NTN4: variants seen among roughly 807,000 people sequenced by gnomAD.
The protein encoded by NTN4 is netrin 4.
In NTN4, 32 loss-of-function variants were observed where a neutral mutation model predicts 73.6. The ratio of observed to expected loss-of-function variants is 0.44; its 90% confidence interval spans 0.33 to 0.58. The LOEUF (loss-of-function observed/expected upper bound fraction) is 0.58. Ranked by LOEUF, NTN4 falls within the 20% of genes least tolerant of loss-of-function variation. NTN4 has a pLI of 0.04. For missense variants in NTN4, 654 were observed against 798.3 expected (o/e 0.82, Z 2.18); for synonymous variants, 258 against 287.5 (o/e 0.90, Z 1.04).
intron 2 of NTN4, among the ~76,000 whole-genome samples, chr12:95,771,142 A>G (rs2079056394): frequency 6.6e-6 from 1 of 151,784 alleles, no homozygotes; most frequent in South Asian, 2.1e-4. Flanking sequence ...GGCGCCTGCT[A>G]CCACGCCCGG....
In NTN4 at chr12:95,771,884, A is replaced by G. The variant is rs996369828; in HGVS notation, c.585+15055T>C. On this transcript the variant is annotated intron_variant, in intron 2 of 9. Transcript: ENST00000343702. ...GCCTTCTCCCTGCTTGTTTTAGGTCATGTTTTGAAAATGTGAAATTGCCAT... is the reference window on the plus strand; with the variant it reads ...GCCTTCTCCCTGCTTGTTTTAGGTCGTGTTTTGAAAATGTGAAATTGCCAT... Among the ~76,000 whole-genome samples, 7 of 151,898 alleles carry G rather than the reference A, an allele frequency of 4.6e-5. 1 individual carries two copies. In the South Asian group the frequency reaches 8.3e-4, roughly 18 times the overall value.
rs773242503 is a variant in NTN4, at chr12:95,683,693, A to G, written c.1199T>C (p.Val400Ala). ...GTTGGCAGGAAGGACAGCTGATCCT[A>G]CTGGATGGCAGGAACACGCTACAAC... ...DACKPCSCHP[V>A]GSAVLPANSV... Residue 400 changes from valine (V) to alanine (A), a missense_variant, in exon 6 of 10, where the codon GTA becomes GCA. Physicochemically the swap from Val to Ala is moderately conservative, Grantham distance 64 (BLOSUM62 0). Transcript: ENST00000343702. The G allele has an allele frequency of 6.8e-6, 11 of 1,609,326 alleles. No homozygotes were observed. In the South Asian group the frequency reaches 1.2e-4, roughly 18 times the overall value.
chr12:95,757,476 C>A (rs184336580), intron 2 of NTN4, among the ~76,000 whole-genome samples: 5 of 152,050 alleles, frequency 3.3e-5, no homozygotes, highest in Admixed American at 6.6e-5. Context: ...AATGAACAGA[C>A]CTTCCCTTCA....
Position 95,790,369 on chromosome 12 carries a change from G to A in NTN4, c.-60C>T. On this transcript the variant is annotated 5_prime_UTR_variant, in exon 1 of 10. Transcript: ENST00000343702. This position sits in a 1 kb window ranked among gnomAD's most constrained non-coding sequence, Gnocchi z 6.5. ...GGTGCCGGAGGGAGCCGAGACCTCT[G>A]GGCTGCGGGATGAAGCGCCGCCGTC... 2 of 1,394,198 alleles carry A rather than the reference G, an allele frequency of 1.4e-6. No homozygotes were observed. Among genetic ancestry groups the A allele is most frequent in the South Asian group, 1.4e-5 (1 of 72,444 alleles). 86.4% of individuals were successfully genotyped at this position (1,394,198 alleles called of 1,614,324 possible). A position where few individuals can be genotyped will look rare whatever the true frequency, so the allele number is the denominator to read the frequency against.
intron 2 of NTN4, among the ~76,000 whole-genome samples, chr12:95,749,203 C>T (rs181480973): frequency 0.012 from 1,767 of 152,228 alleles, 39 homozygotes; most frequent in African/African-American, 0.04. Context: ...GGACTCAGCC[C>T]GCCTGCACCC....
chr12:95,681,458 G>A (rs1199943698), intron 7 of NTN4, among the ~76,000 whole-genome samples: 1 of 152,152 alleles, frequency 6.6e-6, no homozygotes, highest in Non-Finnish European at 1.5e-5. Flanking sequence ...GTGTATGGGT[G>A]CTCATTGCAT....
chr12:95,699,259 T>G (rs948541972), intron 5 of NTN4, among the ~76,000 whole-genome samples: 5 of 152,196 alleles, frequency 3.3e-5, no homozygotes, highest in African/African-American at 1.2e-4. Flanking sequence ...AGTTACTATT[T>G]GAAGAGACCT....
intron 3 of NTN4, among the ~76,000 whole-genome samples, chr12:95,723,291 CCA>C (rs1444124320): frequency 3.0e-5 from 2 of 66,492 alleles, no homozygotes; most frequent in Non-Finnish European, 1.0e-4. Context: ...CTCCCTGTGC[CCA>C]CCACCAAGAG....
At chr12:95,720,889 C>A in intron 3 of NTN4, among the ~76,000 whole-genome samples, 1 of 152,150 alleles carries the variant, frequency 6.6e-6, no homozygotes, top group East Asian at 1.9e-4. Flanking sequence ...TACCCAGGCA[C>A]CATTCTAGGC....
In NTN4 at chr12:95,749,850, G is replaced by A. The variant is rs189531556; in HGVS notation, c.586-11706C>T. On this transcript the variant is annotated intron_variant, in intron 2 of 9. Transcript: ENST00000343702. ...CAACTCCTTCTCCTTCACCCTTAGC[G>A]GCAAGTCCCGCTTTTCTGGGAGAGG... 2.3e-3 allele frequency among the ~76,000 whole-genome samples: 341 copies of A among 149,622 alleles called. 4 individuals carry two copies. Among genetic ancestry groups the A allele is most frequent in the African/African-American group, 7.9e-3 (321 of 40,398 alleles).
intron 7 of NTN4, chr12:95,672,863 G>A (rs2120952883): frequency 1.5e-6 from 2 of 1,375,554 alleles, no homozygotes; most frequent in Non-Finnish European, 2.1e-6. Context: ...GCAGCCCATG[G>A]CAACAGCCTC....
chr12:95,723,709 G>A (rs1354626986), intron 3 of NTN4, among the ~76,000 whole-genome samples: 1 of 151,812 alleles, frequency 6.6e-6, no homozygotes, highest in Non-Finnish European at 1.5e-5. Flanking sequence ...ATGGGGTTTC[G>A]CCATGCTGGC....
intron 3 of NTN4, among the ~76,000 whole-genome samples, chr12:95,736,001 C>T (rs931530742): frequency 1.3e-5 from 2 of 151,542 alleles, no homozygotes; most frequent in Admixed American, 6.6e-5. Flanking sequence ...TGCAGTGGCA[C>T]GATCTCGGCT....
chr12:95,752,770 A>G (rs574058862), intron 2 of NTN4, among the ~76,000 whole-genome samples: 1 of 152,272 alleles, frequency 6.6e-6, no homozygotes, highest in African/African-American at 2.4e-5. Flanking sequence ...TGTCCAAACA[A>G]CTTGACCTTA....
chr12:95,785,776 A>G (rs1348845321), intron 2 of NTN4, among the ~76,000 whole-genome samples: 1 of 152,212 alleles, frequency 6.6e-6, no homozygotes, highest in Admixed American at 6.5e-5. Context: ...GAATAGTTAT[A>G]TAAAGGATGC....
chr12:95,680,078 A>G (rs2078304228), intron 7 of NTN4, among the ~76,000 whole-genome samples: 1 of 152,202 alleles, frequency 6.6e-6, no homozygotes, highest in Non-Finnish European at 1.5e-5. Context: ...TCTAAAACAT[A>G]TCTTATTCCC....
chr12:95,692,011 AT>A (rs1231815708), intron 5 of NTN4, among the ~76,000 whole-genome samples: 5 of 152,302 alleles, frequency 3.3e-5, no homozygotes, highest in African/African-American at 1.2e-4. Flanking sequence ...GAGTTCATCA[AT>A]AATGCATGAG....
At chr12:95,661,278 AC>A in intron 9 of NTN4, among the ~76,000 whole-genome samples, 2 of 152,322 alleles carry the variant, frequency 1.3e-5, no homozygotes, top group East Asian at 3.9e-4. Flanking sequence ...TTTCATGATA[AC>A]CTAGTTGCCC....
intron 7 of NTN4, chr12:95,672,426 C>A: frequency 1.6e-6 from 2 of 1,253,756 alleles, no homozygotes; most frequent in Non-Finnish European, 2.3e-6. Flanking sequence ...GAAGCGCAGG[C>A]GGGCAGGCGC....
Sources: gnomAD v4.1 joint callset for allele counts (sites outside exome capture counted in the v4.1 genomes callset) on GRCh38, gnomAD v4.1.1 for gene constraint, Gnocchi (gnomAD v3.1) non-coding constraint, MANE v1.5 for transcripts, NCBI Gene and HGNC (gene_info 2026-07-23, HGNC 2026-07-21) for gene names.